ZNF7: variants seen among roughly 807,000 people sequenced by gnomAD.
The protein encoded by ZNF7 is zinc finger protein 7.
ZNF7 carries 10 observed loss-of-function variants against 12.0 expected under a neutral mutation model. The ratio of observed to expected loss-of-function variants is 0.83; its 90% CI spans 0.51 to 1.42. The LOEUF is 1.42. Among genes scored for constraint, ZNF7 ranks in the 40% most tolerant of loss-of-function variants. The probability of loss-of-function intolerance (pLI) is 0.00; values close to 1 mark genes in which losing one functional copy is unlikely to be tolerated. For missense variants in ZNF7, 854 were observed against 837.2 expected, an observed-to-expected ratio of 1.02 and a Z score of -0.25; for synonymous variants, 334 against 295.0, an observed-to-expected ratio of 1.13 and a Z score of -1.35.
intron 3 of ZNF7, chr8:144,836,773 G>C (rs1454158551): frequency 6.5e-6 from 1 of 152,736 alleles, no homozygotes; most frequent in Non-Finnish European, 1.5e-5. Context: ...GTACTGACCG[G>C]CACAAAGAGG....
downstream of ZNF7, chr8:144,846,529 A>C: frequency 4.7e-6 from 1 of 210,980 alleles, no homozygotes; most frequent in Non-Finnish European, 9.7e-6. Flanking sequence ...TTGGAAAATG[A>C]CTTCATGCCC....
rs187711907 is a variant in ZNF7 at position 144,829,007 on chromosome 8, C to A, written c.-45-36C>A. ...ATTAGCCTGGAAGTTGGGCTTCTGG[C>A]ACCTTGACCTCTAATCCTTTCATAA... On this transcript the variant is annotated intron_variant, in intron 1 of 4. Coordinates refer to ENST00000532777, the MANE Select transcript of ZNF7 (RefSeq NM_003416.4). 5.7e-4 allele frequency: 913 copies of A among 1,605,618 alleles called. 1 individual carries two copies. Among genetic ancestry groups the A allele is most frequent in the Admixed American group, 7.1e-4 (42 of 58,970 alleles).
At chr8:144,837,532 G>A in intron 4 of ZNF7, 25 bp downstream of exon 4, 1 of 1,564,070 alleles carries the variant, frequency 6.4e-7, no homozygotes, top group Non-Finnish European at 8.8e-7. Context: ...CCATCGCAGA[G>A]AAGCCCTGGG....
chr8:144,841,056 C>A, intron 4 of ZNF7: 1 of 328,210 alleles, frequency 3.0e-6, no homozygotes, highest in South Asian at 6.0e-5. Context: ...TCTCCTTTGC[C>A]TCTGCATGGA....
At position 144,841,564 on chromosome 8, in the gene ZNF7, TTGAA is replaced by T. The variant is rs751217618; in HGVS notation, c.461_464del (p.Asn154ArgfsTer135). Reference sequence around the variant, plus strand: ...AGGCTTTACCTTCCAAAATAACTGTTTGAATGAGGAGACTGTGGTTCCCAAGACC... The same window carrying T: ...AGGCTTTACCTTCCAAAATAACTGTTTGAGGAGACTGTGGTTCCCAAGACC... On this transcript the variant is annotated frameshift_variant, in exon 5 of 5. Coordinates refer to ENST00000532777, the MANE Select transcript of ZNF7 (RefSeq NM_003416.4). LOFTEE classifies it low-confidence loss of function (END_TRUNC). 3.1e-6 allele frequency: 5 copies of T among 1,614,056 alleles called. No individual in the cohort carries two copies. The highest frequency in any genetic ancestry group is 4.2e-6 in the Non-Finnish European group (5 of 1,180,020).
intron 3 of ZNF7, chr8:144,834,931 A>G (rs1482265900): frequency 1.3e-5 from 2 of 151,748 alleles, no homozygotes. Flanking sequence ...TTTAGTAGAG[A>G]TGGGGTTTCA....
chr8:144,843,328 G>A lies in ZNF7; in HGVS notation c.*160G>A, dbSNP rs181667513. The A allele has an allele frequency of 2.4e-4, 207 of 872,020 alleles. No individual in the cohort carries two copies. In the African/African-American group the frequency reaches 2.9e-3, roughly 12 times the overall value. The allele number at this position is 872,020 out of a possible 1,614,324, so 54.0% of individuals were successfully genotyped here. A position where few individuals can be genotyped will look rare whatever the true frequency, so the allele number is the denominator to read the frequency against. ...CTTCAGGCCGAGTGTGGTGGCTTATGCCTGTCATCCCAGCACTTTGGGAGG... is the reference window on the plus strand; with the variant it reads ...CTTCAGGCCGAGTGTGGTGGCTTATACCTGTCATCCCAGCACTTTGGGAGG... On this transcript the variant is annotated 3_prime_UTR_variant, in exon 5 of 5. Coordinates refer to ENST00000532777, the MANE Select transcript of ZNF7 (RefSeq NM_003416.4).
intron 4 of ZNF7, chr8:144,838,370 G>A (rs759011293): frequency 1.9e-6 from 1 of 517,994 alleles, no homozygotes; most frequent in African/African-American, 1.9e-5. Context: ...GGGGTCCTCA[G>A]CCCTAACCAG....
Sources: allele counts gnomAD v4.1 joint callset, GRCh38; gene constraint gnomAD v4.1.1; transcripts MANE v1.5; gene names NCBI Gene and HGNC (gene_info 2026-07-23, HGNC 2026-07-21).